The following SPATS2L variants were observed in gnomAD, a reference collection of about 807,000 sequenced individuals.
SPATS2L encodes SPATS2-like protein.
A neutral mutation model predicts 59.6 loss-of-function variants in SPATS2L; 30 were observed. That is an observed-to-expected ratio of 0.50 (90% CI 0.38 to 0.68). The LOEUF (loss-of-function observed/expected upper bound fraction) is 0.68. SPATS2L is among the 30% of genes least tolerant of loss of function. The pLI is 0.00. For synonymous variants in SPATS2L, 252 were observed against 263.5 expected, an observed-to-expected ratio of 0.96 and a Z score of 0.42; for missense variants, 615 against 700.0, an observed-to-expected ratio of 0.88 and a Z score of 1.37.
chr2:200,361,538 AT>A (rs1247140572), intron 2 of SPATS2L, among the ~76,000 whole-genome samples: 3 of 152,224 alleles, frequency 2.0e-5, no homozygotes, highest in African/African-American at 7.2e-5. Flanking sequence ...AAGAGAATAC[AT>A]TTCTCCAAAT....
At chr2:200,306,375 G>A, upstream of SPATS2L, 2 of 1,002,348 alleles carry the variant, frequency 2.0e-6, no homozygotes, top group Non-Finnish European at 2.4e-6. Flanking sequence ...TGAAGTGGAG[G>A]TTTGGGGAAA....
chr2:200,462,197 A>T (rs1359906917), intron 9 of SPATS2L, among the ~76,000 whole-genome samples: 1 of 152,226 alleles, frequency 6.6e-6, no homozygotes, highest in Non-Finnish European at 1.5e-5. Flanking sequence ...AGTCACTAGC[A>T]CATCATCACT....
At chr2:200,440,159 T>C (rs767714833) in intron 7 of SPATS2L, among the ~76,000 whole-genome samples, 21 of 152,232 alleles carry the variant, frequency 1.4e-4, no homozygotes, top group Admixed American at 2.6e-4. Context: ...CTGCTCTAAT[T>C]ACAGGCCTGG....
At chr2:200,329,409 C>G in intron 1 of SPATS2L, 22 bp from the exon 2 acceptor site, 1 of 1,549,744 alleles carries the variant, frequency 6.5e-7, no homozygotes, top group African/African-American at 1.4e-5. Flanking sequence ...TGCCTGACTT[C>G]CCAAATTTCC....
intron 6 of SPATS2L, among the ~76,000 whole-genome samples, chr2:200,437,602 A>T (rs1346848700): frequency 6.6e-6 from 1 of 152,198 alleles, no homozygotes; most frequent in African/African-American, 2.4e-5. Context: ...AATCTGTTTT[A>T]TTACTGGAGG....
intron 3 of SPATS2L, chr2:200,393,382 G>A: frequency 2.2e-6 from 1 of 455,426 alleles, no homozygotes. Flanking sequence ...GAGGTTCAGT[G>A]TAAATGCTCC....
chr2:200,441,694 G>C (rs761422452), intron 8 of SPATS2L, among the ~76,000 whole-genome samples: 1 of 152,120 alleles, frequency 6.6e-6, no homozygotes. Context: ...ACAGCTGCCA[G>C]ATTACATAAT....
At chr2:200,395,946 T>C (rs954903048) in intron 3 of SPATS2L, among the ~76,000 whole-genome samples, 3 of 140,564 alleles carry the variant, frequency 2.1e-5, no homozygotes, top group East Asian at 4.3e-4. Context: ...AGGGAGCAGA[T>C]GTTGCAGTGA....
chr2:200,439,157 G>C lies in SPATS2L; in HGVS notation c.481G>C (p.Asp161His). ...NRLLQQKLSL[D>H]GNPKPIHGTT... Reference sequence around the variant, plus strand: ...ACTACTGCAACAGAAACTATCCTTAGATGGGAACCCCAAACCTATACATGG... The same window carrying C: ...ACTACTGCAACAGAAACTATCCTTACATGGGAACCCCAAACCTATACATGG... The change falls in exon 7 of 13, where the codon GAT (aspartate) becomes CAT (histidine). Residue 161 changes from aspartate to histidine, a missense_variant. This residue lies in a region of SPATS2L where 227 missense variants were observed against 257.4 expected (regional missense o/e 0.88). Transcript: ENST00000409140. The C allele has an allele frequency of 6.2e-7, 1 of 1,613,684 alleles. No homozygotes were observed. The highest frequency in any genetic ancestry group is 1.3e-5 in the African/African-American group (1 of 75,012).
intron 1 of SPATS2L, among the ~76,000 whole-genome samples, chr2:200,309,976 C>A (rs1019024252): frequency 6.6e-6 from 1 of 152,152 alleles, no homozygotes; most frequent in African/African-American, 2.4e-5. Flanking sequence ...AGATATATTT[C>A]TCTCTACAAC....
At chr2:200,457,834 A>G (rs2085957547) in intron 8 of SPATS2L, among the ~76,000 whole-genome samples, 1 of 152,262 alleles carries the variant, frequency 6.6e-6, no homozygotes, top group African/African-American at 2.4e-5. Flanking sequence ...GATATATTCC[A>G]GAAGTCACTT....
chr2:200,427,565 C>G (rs2083651773), intron 6 of SPATS2L, among the ~76,000 whole-genome samples: 1 of 150,052 alleles, frequency 6.7e-6, no homozygotes, highest in Non-Finnish European at 1.5e-5. Context: ...CATATAAGAT[C>G]TTGTAAAGAC....
chr2:200,343,720 G>A (rs2080410882), intron 2 of SPATS2L, among the ~76,000 whole-genome samples: 1 of 152,088 alleles, frequency 6.6e-6, no homozygotes, highest in African/African-American at 2.4e-5. Flanking sequence ...TTCTGTATAT[G>A]ATGTCACAGT....
intron 3 of SPATS2L, among the ~76,000 whole-genome samples, chr2:200,395,299 G>T (rs1389709228): frequency 6.6e-6 from 1 of 152,168 alleles, no homozygotes; most frequent in Non-Finnish European, 1.5e-5. Context: ...ATACAATTCA[G>T]CAGTAAAACT....
In SPATS2L at chr2:200,380,138, GTCC is replaced by G. The variant is rs1008836144; in HGVS notation, c.-22-9078_-22-9076del. ...TGAATGCTAATAAAGCCTGCCGTGC[GTCC>G]TCCTCCCCCTGTGCTTGCACTGCCT... On this transcript the variant is annotated intron_variant, in intron 2 of 12. Coordinates refer to ENST00000409140, the MANE Select transcript of SPATS2L (RefSeq NM_001100423.2). Among the ~76,000 whole-genome samples the G allele has an allele frequency of 5.5e-4, 83 of 152,118 alleles. 7 individuals are homozygous for G.
At chr2:200,405,217 T>G (rs930763736) in intron 3 of SPATS2L, among the ~76,000 whole-genome samples, 1 of 152,140 alleles carries the variant, frequency 6.6e-6, no homozygotes, top group African/African-American at 2.4e-5. Context: ...AGAATCTTCA[T>G]CCCAATCAGA....
At position 200,425,888 on chromosome 2, in the gene SPATS2L, T is replaced by C. The variant is rs972484996; in HGVS notation, c.445+6392T>C. On this transcript the variant is annotated intron_variant, in intron 6 of 12. Transcript: ENST00000409140. ...AGCATGTAGAAGGGCAGCTGGAGAG[T>C]GCGTGTATGCAGCAATTCCATAGAA... 7.9e-5 allele frequency among the ~76,000 whole-genome samples: 12 copies of C among 152,022 alleles called. No homozygotes were observed. In the South Asian group the frequency reaches 1.9e-3, roughly 24 times the overall value.
At chr2:200,307,004 C>A (rs149829993) in intron 1 of SPATS2L, 82 bp downstream of exon 1, 11 of 974,438 alleles carry the variant, frequency 1.1e-5, no homozygotes, top group Non-Finnish European at 1.3e-5. Flanking sequence ...GCGGCCGGGA[C>A]GGAGACTCGG....
rs78705022 is a variant in SPATS2L, at chr2:200,382,410, G to T, written c.-22-6813G>T. 2.0e-5 allele frequency among the ~76,000 whole-genome samples: 3 copies of T among 152,172 alleles called. 1 individual carries two copies. The highest frequency in any genetic ancestry group is 2.9e-5 in the Non-Finnish European group (2 of 68,022). On this transcript the variant is annotated intron_variant, in intron 2 of 12. Transcript: ENST00000409140. ...ATTTCTTTGAAACAAGTTCATTTAT[G>T]CCCATTCCTGTGTGAGTGGAGTGGT... is the stretch of plus-strand genomic sequence containing the variant.
Sources: allele counts gnomAD v4.1 joint callset (sites outside exome capture counted in the v4.1 genomes callset), GRCh38; gene constraint gnomAD v4.1.1; regional missense constraint gnomAD v4.1.1; transcripts MANE v1.5; gene names NCBI Gene and HGNC (gene_info 2026-07-23, HGNC 2026-07-21).